SKOR2: variants seen among roughly 807,000 people sequenced by gnomAD.
SKOR2 encodes the protein SKI family transcriptional corepressor 2.
SKOR2 carries 47 observed loss-of-function variants against 69.1 expected under a neutral mutation model. That is an observed-to-expected ratio of 0.68 (90% confidence interval 0.54 to 0.87). The LOEUF (loss-of-function observed/expected upper bound fraction) is 0.87. Among genes scored for constraint, SKOR2 ranks in the 40% least tolerant of loss-of-function variants. The pLI, the probability that SKOR2 is intolerant of heterozygous loss-of-function variation, is 0.00. For missense variants in SKOR2, 1,404 were observed against 1,472.2 expected (o/e 0.95, Z 0.76); for synonymous variants, 717 against 672.6 (o/e 1.07, Z -1.02).
intron 7 of SKOR2, among the ~76,000 whole-genome samples, chr18:47,214,291 T>C (rs1473935472): frequency 6.6e-6 from 1 of 151,798 alleles, no homozygotes; most frequent in Non-Finnish European, 1.5e-5. Flanking sequence ...TTCATTAAGG[T>C]AGAAAGTTGA....
Position 47,249,078 on chromosome 18 carries a change from G to T in SKOR2, c.106C>A (p.Leu36Ile). The T allele has an allele frequency of 6.5e-7, 1 of 1,536,664 alleles. No individual in the cohort carries two copies. ...LSQPRPGHAN[L>I]KPNQVGQVIL... ...ACCTGGCCCACCTGGTTGGGTTTGA[G>T]GTTGGCGTGCCCTGGCCGCGGCTGG... Residue 36 changes from leucine to isoleucine, a missense_variant, in exon 2 of 9, where the codon CTC becomes ATC. Leu to Ile is a conservative substitution (Grantham distance 5). Around this residue, in one of 3 missense-constraint regions of SKOR2, gnomAD observed 104 missense variants for 95.7 expected, o/e 1.09. Transcript: ENST00000425639.
chr18:47,219,449 G>A (rs1000676209), intron 7 of SKOR2, among the ~76,000 whole-genome samples: 1 of 151,972 alleles, frequency 6.6e-6, no homozygotes, highest in African/African-American at 2.4e-5. Flanking sequence ...TTTTAGAAAT[G>A]ATTAGGATAG....
chr18:47,230,867 ATCC>A lies in SKOR2; in HGVS notation c.2818+65_2818+67del. The A allele has an allele frequency of 4.8e-6, 7 of 1,449,426 alleles. No homozygotes were observed. In the South Asian group the frequency reaches 6.2e-5, roughly 13 times the overall value. 89.8% of individuals were successfully genotyped at this position (1,449,426 alleles called of 1,614,324 possible). ...TAAAAATATGGTGGAGAACAAAAAT[ATCC>A]TCCTATTATCTCCACAGTCGTTTAA... is the stretch of plus-strand genomic sequence containing the variant. On this transcript the variant is annotated intron_variant, in intron 5 of 8. Coordinates refer to ENST00000425639, the MANE Select transcript of SKOR2 (RefSeq NM_001278063.4).
At chr18:47,240,450 C>G (rs2064243888) in intron 4 of SKOR2, among the ~76,000 whole-genome samples, 1 of 152,184 alleles carries the variant, frequency 6.6e-6, no homozygotes, top group African/African-American at 2.4e-5. Context: ...CCTTATCTAT[C>G]TGACTTGGGT....
intron 6 of SKOR2, among the ~76,000 whole-genome samples, chr18:47,220,547 C>T (rs1034023195): frequency 1.3e-5 from 2 of 152,202 alleles, no homozygotes; most frequent in Non-Finnish European, 2.9e-5. Flanking sequence ...AACTCTCTCA[C>T]CCTGGGATCA....
chr18:47,210,464 TC>T (rs772005736), intron 8 of SKOR2, among the ~76,000 whole-genome samples: 13 of 152,330 alleles, frequency 8.5e-5, no homozygotes, highest in Non-Finnish European at 1.9e-4. Flanking sequence ...TTTAAAAACA[TC>T]CTAATATTTT....
At chr18:47,222,991 A>T (rs2064166650) in intron 6 of SKOR2, among the ~76,000 whole-genome samples, 1 of 152,236 alleles carries the variant, frequency 6.6e-6, no homozygotes, top group South Asian at 2.1e-4. Flanking sequence ...AGAGCATAAA[A>T]GGCAAAAACT....
rs1164675029 is a variant in SKOR2, at chr18:47,246,852, C to T, written c.2332G>A (p.Gly778Ser). The T allele has an allele frequency of 6.7e-7, 1 of 1,485,130 alleles. No individual in the cohort carries two copies. The highest frequency in any genetic ancestry group is 8.9e-7 in the Non-Finnish European group (1 of 1,123,506). The allele number at this position is 1,485,130 out of a possible 1,614,324, so 92.0% of individuals were successfully genotyped here. The change falls in exon 2 of 9, where the codon GGC becomes AGC. Residue 778 changes from glycine to serine, a missense_variant. Physicochemically the swap from Gly to Ser is moderately conservative, Grantham distance 56. Transcript: ENST00000425639. ...EEDEETEVLL[G>S]DPLVGGGRFL... ...CGGCCGCCCCCGACTAAGGGGTCGCCGAGTAGGACCTCCGTCTCCTCGTCC... is the reference window on the plus strand; with the variant it reads ...CGGCCGCCCCCGACTAAGGGGTCGCTGAGTAGGACCTCCGTCTCCTCGTCC...
chr18:47,247,521 C>G lies in SKOR2; in HGVS notation c.1663G>C (p.Asp555His). Residue 555 changes from aspartate to histidine, a missense_variant, in exon 2 of 9, where the codon GAC becomes CAC. This residue lies in a region of SKOR2 where 1,266 missense variants were observed against 1,309.9 expected (regional missense o/e 0.97). Coordinates refer to ENST00000425639, the MANE Select transcript of SKOR2 (RefSeq NM_001278063.4). The surrounding 1 kb of genome is among the most constrained non-coding windows in gnomAD (Gnocchi z 6.6). ...CCCGGGGGCGACTCGAAGAGCGCGT[C>G]GCGAGAGCCGGCGCCCCCGGCAGGA... Reference protein sequence around the residue: ...PPPAGGAGSRDALFESPPGGS... With the variant: ...PPPAGGAGSRHALFESPPGGS... The G allele has an allele frequency of 8.2e-7, 1 of 1,212,848 alleles. No individual in the cohort carries two copies. Among genetic ancestry groups the G allele is most frequent in the Non-Finnish European group, 1.0e-6 (1 of 976,792 alleles). The allele number at this position is 1,212,848 out of a possible 1,614,324, so 75.1% of individuals were successfully genotyped here.
In SKOR2 at chr18:47,248,909, A is replaced by G; in HGVS notation, c.275T>C (p.Val92Ala). Residue 92 changes from valine (V) to alanine (A), a missense_variant, in exon 2 of 9, where the codon GTG becomes GCG. Around this residue, in one of 3 missense-constraint regions of SKOR2, gnomAD observed 34 missense variants for 66.6 expected, o/e 0.51. Transcript: ENST00000425639. The surrounding 1 kb of genome is among the most constrained non-coding windows in gnomAD (Gnocchi z 6.4). ...CTCCAGTTGCACCGGCGTGCACTGC[A>G]CACACGTGATGCCCAGTGCCACGCG... ...NRRVALGITC[V>A]QCTPVQLEIL... The G allele has an allele frequency of 1.3e-6, 2 of 1,571,722 alleles. No individual in the cohort carries two copies. The highest frequency in any genetic ancestry group is 1.7e-6 in the Non-Finnish European group (2 of 1,166,184).
At chr18:47,214,088 A>T (rs1409535242) in intron 7 of SKOR2, among the ~76,000 whole-genome samples, 1 of 152,192 alleles carries the variant, frequency 6.6e-6, no homozygotes, top group East Asian at 1.9e-4. Context: ...TCAACATTAG[A>T]CACCACAAAG....
chr18:47,231,235 A>G (rs2064197077), intron 4 of SKOR2: 1 of 1,462,866 alleles, frequency 6.8e-7, no homozygotes, highest in East Asian at 2.5e-5. Flanking sequence ...GCTCCCGAAA[A>G]GCAGATTCTT....
chr18:47,232,286 G>A (rs993789239), intron 4 of SKOR2, among the ~76,000 whole-genome samples: 5 of 152,056 alleles, frequency 3.3e-5, no homozygotes, highest in African/African-American at 7.2e-5. Context: ...ACTATATTGC[G>A]CATAAAGGTT....
At position 47,247,622 on chromosome 18, in the gene SKOR2, C is replaced by T. The variant is rs1220697707; in HGVS notation, c.1562G>A (p.Gly521Glu). The T allele has an allele frequency of 7.7e-7, 1 of 1,293,572 alleles. No individual in the cohort carries two copies. The highest frequency in any genetic ancestry group is 2.4e-5 in the South Asian group (1 of 41,788). 80.1% of individuals were successfully genotyped at this position (1,293,572 alleles called of 1,614,324 possible). Residue 521 changes from glycine to glutamate, a missense_variant, in exon 2 of 9, where the codon GGG (glycine) becomes GAG (glutamate). Physicochemically the swap from Gly to Glu is moderately conservative, Grantham distance 98. Coordinates refer to ENST00000425639, the MANE Select transcript of SKOR2 (RefSeq NM_001278063.4). This position sits in a 1 kb window ranked among gnomAD's most constrained non-coding sequence, Gnocchi z 6.6. The part of the protein sequence containing the change: ...LDLAEPGGAA[G>E]SAEAAPPPGQ... ...CGGCGGGGGCGCGGCCTCGGCGCTC[C>T]CAGCAGCACCGCCTGGCTCAGCCAG...
In SKOR2 at chr18:47,245,493, T is replaced by A; in HGVS notation, c.2677+5A>T. 6.8e-7 allele frequency: 1 copy of A among 1,478,310 alleles called. No homozygotes were observed. The highest frequency in any genetic ancestry group is 8.9e-7 in the Non-Finnish European group (1 of 1,122,282). 91.6% of individuals were successfully genotyped at this position (1,478,310 alleles called of 1,614,324 possible). A position where few individuals can be genotyped will look rare whatever the true frequency, so the allele number is the denominator to read the frequency against. ...GTGGCAGCTGATTTTTTTTTTTTTT[T>A]TTACCTGAAAAGCTGTTGTCATCCT... is the stretch of plus-strand genomic sequence containing the variant. On this transcript the variant is annotated splice_donor_5th_base_variant and intron_variant, in intron 3 of 8. Transcript: ENST00000425639.
At chr18:47,219,596 G>C (rs2064154642) in intron 7 of SKOR2, among the ~76,000 whole-genome samples, 1 of 152,180 alleles carries the variant, frequency 6.6e-6, no homozygotes, top group South Asian at 2.1e-4. Flanking sequence ...GAAAGGAAGA[G>C]AGGATGGAAG....
intron 8 of SKOR2, among the ~76,000 whole-genome samples, chr18:47,210,464 T>A (rs148420678): frequency 6.6e-6 from 1 of 152,330 alleles, no homozygotes; most frequent in African/African-American, 2.4e-5. Flanking sequence ...TTTAAAAACA[T>A]CCTAATATTT....
intron 4 of SKOR2, among the ~76,000 whole-genome samples, chr18:47,238,012 C>T (rs1412615549): frequency 6.6e-6 from 1 of 152,076 alleles, no homozygotes; most frequent in African/African-American, 2.4e-5. Flanking sequence ...TGGTTTCCTA[C>T]TCCTTGTCTT....
chr18:47,246,261 G>T (rs571696500), intron 2 of SKOR2, among the ~76,000 whole-genome samples: 129 of 152,266 alleles, frequency 8.5e-4, no homozygotes, highest in Non-Finnish European at 1.6e-3. Flanking sequence ...AGGGCAAAGG[G>T]GATTGTTGGA....
Sources: allele counts gnomAD v4.1 joint callset (sites outside exome capture counted in the v4.1 genomes callset), GRCh38; gene constraint gnomAD v4.1.1; regional missense constraint gnomAD v4.1.1; non-coding constraint Gnocchi (gnomAD v3.1); transcripts MANE v1.5; gene names NCBI Gene and HGNC (gene_info 2026-07-23, HGNC 2026-07-21).